Variants in PCDH15 observed in about 807,000 individuals in gnomAD.
PCDH15 encodes protocadherin related 15, also known as protocadherin-15.
Under a neutral mutation model 178.5 loss-of-function variants are expected in PCDH15, and 129 were observed. The ratio of observed to expected loss-of-function variants is 0.72; its 90% CI spans 0.63 to 0.84. The LOEUF (loss-of-function observed/expected upper bound fraction) is 0.84, where lower values mean the gene tolerates loss of function less well. Among genes scored for constraint, PCDH15 ranks in the 40% least tolerant of loss-of-function variants. PCDH15 has a pLI of 0.00. For missense variants in PCDH15, 2,230 were observed against 2,099.9 expected (o/e 1.06, Z -1.21); for synonymous variants, 800 against 732.0 (o/e 1.09, Z -1.50).
intron 2 of PCDH15, among the ~76,000 whole-genome samples, chr10:55,493,733 C>T (rs1840472577): frequency 6.6e-6 from 1 of 151,830 alleles, no homozygotes; most frequent in Non-Finnish European, 1.5e-5. Context: ...TGGCTGGCAG[C>T]TGACCTGCCT....
intron 1 of PCDH15, among the ~76,000 whole-genome samples, chr10:54,673,492 G>T (rs1282146029): frequency 6.6e-6 from 1 of 152,154 alleles, no homozygotes; most frequent in Non-Finnish European, 1.5e-5. Context: ...AGGCTGGAGT[G>T]CAATGGCATG....
At chr10:55,122,584 T>C (rs1837797538) in intron 2 of PCDH15, among the ~76,000 whole-genome samples, 1 of 152,078 alleles carries the variant, frequency 6.6e-6, no homozygotes, top group African/African-American at 2.4e-5. Flanking sequence ...AGTGATAAGA[T>C]CAGTTTATGG....
intron 2 of PCDH15, among the ~76,000 whole-genome samples, chr10:54,535,482 A>G (rs1447970486): frequency 2.0e-5 from 3 of 152,010 alleles, no homozygotes; most frequent in African/African-American, 7.2e-5. Flanking sequence ...AGGCCGAGAC[A>G]GGCGGATCAC....
In PCDH15 at chr10:55,098,820, T is replaced by TTC. The variant is rs531394037; in HGVS notation, c.-80+67754_-80+67755dup. ...CACTTTCGGAAGCGTCTCTCTCTCT[T>TTC]TCTCTCTCTCTCTTTGAAACAGAGA... is the stretch of plus-strand genomic sequence containing the variant. On this transcript the variant is annotated intron_variant, in intron 2 of 5. Transcript: ENST00000458638. Among the ~76,000 whole-genome samples the TTC allele has an allele frequency of 4.8e-4, 71 of 148,624 alleles. No homozygotes were observed. The South Asian group carries it at 0.012, about 25-fold the overall frequency.
chr10:54,132,024 C>A (rs2042478315), intron 15 of PCDH15, among the ~76,000 whole-genome samples: 1 of 152,112 alleles, frequency 6.6e-6, no homozygotes, highest in Admixed American at 6.6e-5. Context: ...ATGTTAAAAT[C>A]TCCCCTAGGC....
intron 24 of PCDH15, among the ~76,000 whole-genome samples, chr10:53,940,474 A>G (rs1156430491): frequency 6.6e-6 from 1 of 152,184 alleles, no homozygotes; most frequent in Admixed American, 6.5e-5. Flanking sequence ...GGTATGACCA[A>G]CATGGAGTAA....
chr10:54,668,791 A>G (rs953074251), intron 1 of PCDH15, among the ~76,000 whole-genome samples: 1 of 152,174 alleles, frequency 6.6e-6, no homozygotes, highest in African/African-American at 2.4e-5. Flanking sequence ...AAAACTTGGA[A>G]CACACCGTCA....
chr10:53,961,948 A>G (rs2088380625), intron 21 of PCDH15, 56 bp from the exon 22 acceptor site: 20 of 1,344,310 alleles, frequency 1.5e-5, no homozygotes, highest in Non-Finnish European at 2.1e-5. Context: ...ACACAGTGCA[A>G]TGATAATATT....
At chr10:54,626,513 G>A (rs1166383864) in intron 2 of PCDH15, among the ~76,000 whole-genome samples, 1 of 152,198 alleles carries the variant, frequency 6.6e-6, no homozygotes, top group Non-Finnish European at 1.5e-5. Context: ...GAGGGTGCAG[G>A]CCCTGAGCCT....
At chr10:54,257,638 G>A (rs540221216) in intron 8 of PCDH15, among the ~76,000 whole-genome samples, 2 of 151,916 alleles carry the variant, frequency 1.3e-5, no homozygotes, top group Non-Finnish European at 2.9e-5. Context: ...CTTGCTGAAG[G>A]CATCATAGAT....
chr10:55,437,811 A>G (rs1839077851), intron 2 of PCDH15, among the ~76,000 whole-genome samples: 1 of 147,354 alleles, frequency 6.8e-6, no homozygotes, highest in African/African-American at 2.5e-5. Context: ...AATGGACCAA[A>G]TTGTCTTTCT....
At chr10:54,492,119 T>C (rs2079650569) in intron 3 of PCDH15, among the ~76,000 whole-genome samples, 1 of 152,142 alleles carries the variant, frequency 6.6e-6, no homozygotes, top group Admixed American at 6.5e-5. Context: ...AAGTGTAGCG[T>C]AAGAATTCAA....
chr10:54,833,200 C>T (rs1953255903), intron 3 of PCDH15, among the ~76,000 whole-genome samples: 1 of 152,052 alleles, frequency 6.6e-6, no homozygotes, highest in Non-Finnish European at 1.5e-5. Flanking sequence ...GAGTTTGGAA[C>T]AGTTAAACTA....
intron 2 of PCDH15, among the ~76,000 whole-genome samples, chr10:54,960,831 G>T (rs60700946): frequency 2.3e-3 from 356 of 152,238 alleles, no homozygotes; most frequent in African/African-American, 8.1e-3. Context: ...TGTACAGAAA[G>T]ATAGTAATAT....
intron 1 of PCDH15, among the ~76,000 whole-genome samples, chr10:55,210,781 A>G (rs756372063): frequency 2.0e-5 from 3 of 150,406 alleles, no homozygotes; most frequent in Non-Finnish European, 4.4e-5. Flanking sequence ...GCCGCGCACC[A>G]CCACGCCCAG....
chr10:54,357,107 G>T (rs1022693292), intron 5 of PCDH15, among the ~76,000 whole-genome samples: 1 of 152,080 alleles, frequency 6.6e-6, no homozygotes, highest in Non-Finnish European at 1.5e-5. Context: ...GCACAAGACA[G>T]GGATGCCCTC....
At chr10:54,948,164 T>C (rs1406856178) in intron 2 of PCDH15, among the ~76,000 whole-genome samples, 3 of 152,000 alleles carry the variant, frequency 2.0e-5, no homozygotes, top group African/African-American at 7.2e-5. Context: ...TGCAAGTTGA[T>C]TTGTAGTTCC....
chr10:54,440,016 G>A (rs2075696848), intron 3 of PCDH15, among the ~76,000 whole-genome samples: 1 of 151,916 alleles, frequency 6.6e-6, no homozygotes, highest in African/African-American at 2.4e-5. Flanking sequence ...TGGTTGTTCT[G>A]AAAAATGAAA....
At chr10:54,785,058 C>T (rs1302757970) in intron 1 of PCDH15, among the ~76,000 whole-genome samples, 2 of 151,800 alleles carry the variant, frequency 1.3e-5, no homozygotes, top group South Asian at 2.1e-4. Context: ...CAGAGTTCAT[C>T]TACCCGATAT....
Sources: allele counts gnomAD v4.1 joint callset (sites outside exome capture counted in the v4.1 genomes callset), GRCh38; gene constraint gnomAD v4.1.1; transcripts MANE v1.5; gene names NCBI Gene and HGNC (gene_info 2026-07-23, HGNC 2026-07-21).